PBX4: variants seen among roughly 807,000 people sequenced by gnomAD.
PBX4 encodes PBX homeobox 4, also known as pre-B-cell leukemia transcription factor 4.
In PBX4, 26 loss-of-function variants were observed where a neutral mutation model predicts 35.1. The observed-to-expected ratio is 0.74, with a 90% CI of 0.54 to 1.03. The LOEUF (loss-of-function observed/expected upper bound fraction) is 1.03, where lower values mean the gene tolerates loss of function less well. PBX4 is among the 50% of genes least tolerant of loss of function. The pLI, the probability that PBX4 is intolerant of heterozygous loss-of-function variation, is 0.00. For missense variants in PBX4, 448 were observed against 504.3 expected (o/e 0.89, Z 1.07); for synonymous variants, 199 against 204.2 (o/e 0.97, Z 0.22).
Position 19,563,448 on chromosome 19 carries a change from A to G in PBX4, c.1032+61T>C. On this transcript the variant is annotated intron_variant, in intron 7 of 7. Transcript: ENST00000251203. This position sits in a 1 kb window ranked among gnomAD's most constrained non-coding sequence, Gnocchi z 5.1. ...CCAAGGCCGAGGGGTGGCTGACAAG[A>G]CGACCCTTTCTGAGAACCTACCACC... 4 of 1,353,100 alleles carry G rather than the reference A, an allele frequency of 3.0e-6. No individual in the cohort carries two copies. The highest frequency in any genetic ancestry group is 1.4e-5 in the South Asian group (1 of 71,236). 83.8% of individuals were successfully genotyped at this position (1,353,100 alleles called of 1,614,324 possible).
At chr19:19,607,998 C>T (rs983870346) in intron 1 of PBX4, 2 of 152,172 alleles carry the variant, frequency 1.3e-5, no homozygotes, top group Admixed American at 1.3e-4. Context: ...TATTATACAT[C>T]TCCTGGAGAC....
chr19:19,607,243 G>C (rs1330240266), intron 1 of PBX4, among the ~76,000 whole-genome samples: 1 of 151,964 alleles, frequency 6.6e-6, no homozygotes. Context: ...TAGTAAAGGC[G>C]GGGTTTCATC....
At chr19:19,594,516 G>A (rs1036665424) in intron 2 of PBX4, among the ~76,000 whole-genome samples, 17 of 152,090 alleles carry the variant, frequency 1.1e-4, no homozygotes, top group Admixed American at 9.8e-4. Context: ...GGCAACAGTT[G>A]GTATCAACTC....
At chr19:19,614,566 C>T (rs935418545) in intron 1 of PBX4, among the ~76,000 whole-genome samples, 2 of 151,426 alleles carry the variant, frequency 1.3e-5, no homozygotes, top group South Asian at 2.1e-4. Context: ...ACCCGGGAGG[C>T]GGAGGTTGCT....
Position 19,570,119 on chromosome 19 carries a change from G to A in PBX4, c.622C>T (p.Leu208Phe). The change falls in exon 4 of 8, where the codon CTC (leucine) becomes TTC (phenylalanine). Residue 208 changes from leucine to phenylalanine, a missense_variant. Leu to Phe is a conservative substitution (Grantham distance 22). Coordinates refer to ENST00000251203, the MANE Select transcript of PBX4 (RefSeq NM_025245.3). ...EAVMTLRSRL[L>F]DARRKRRNFS... Reference sequence around the variant, plus strand: ...CGTACAGGCCCTGACCTGGCATCGAGCAGCCGCGAACGCAGGGTCATCACT... The same window carrying A: ...CGTACAGGCCCTGACCTGGCATCGAACAGCCGCGAACGCAGGGTCATCACT... 1 of 1,603,506 alleles carries A rather than the reference G, an allele frequency of 6.2e-7. No individual in the cohort carries two copies. Among genetic ancestry groups the A allele is most frequent in the Admixed American group, 1.7e-5 (1 of 59,250 alleles).
intron 2 of PBX4, chr19:19,588,210 A>C: frequency 7.4e-7 from 1 of 1,356,320 alleles, no homozygotes; most frequent in Non-Finnish European, 1.1e-6. Context: ...TTACAATAAT[A>C]GGCATCAGAG....
chr19:19,618,450 T>C, intron 1 of PBX4, 61 bp downstream of exon 1: 1 of 1,341,754 alleles, frequency 7.5e-7, no homozygotes, highest in Admixed American at 3.5e-5. Context: ...CCCCGTCCCC[T>C]CAGCCCGCCA....
intron 2 of PBX4, among the ~76,000 whole-genome samples, chr19:19,574,640 T>C (rs982234853): frequency 7.1e-6 from 1 of 141,638 alleles, no homozygotes; most frequent in African/African-American, 2.6e-5. Context: ...TTTTTTTTCC[T>C]TTTTTTTTTT....
intron 2 of PBX4, among the ~76,000 whole-genome samples, chr19:19,594,069 ACT>A (rs1276362508): frequency 6.7e-5 from 10 of 148,522 alleles, no homozygotes; most frequent in Non-Finnish European, 1.0e-4. Flanking sequence ...ACACAGTGAG[ACT>A]CTGTGTCTTA....
rs576642441 is a variant in PBX4, at chr19:19,564,917, G to C, written c.925+16C>G. ...ACATGGGTACAGATGACTGTCCCTGGGCCAGCCTCACTCACCGGAGCTAGG... is the reference window on the plus strand; with the variant it reads ...ACATGGGTACAGATGACTGTCCCTGCGCCAGCCTCACTCACCGGAGCTAGG... On this transcript the variant is annotated intron_variant, in intron 6 of 7. Coordinates refer to ENST00000251203, the MANE Select transcript of PBX4 (RefSeq NM_025245.3). The C allele has an allele frequency of 6.2e-7, 1 of 1,614,120 alleles. No homozygotes were observed. The highest frequency in any genetic ancestry group is 8.5e-7 in the Non-Finnish European group (1 of 1,180,012).
chr19:19,603,646 G>T (rs571008217), intron 1 of PBX4, among the ~76,000 whole-genome samples: 1 of 152,276 alleles, frequency 6.6e-6, no homozygotes, highest in Admixed American at 6.5e-5. Context: ...TCTAGAGAGA[G>T]AATTTGATGA....
In PBX4 at chr19:19,594,807, T is replaced by C. The variant is rs765648847; in HGVS notation, c.193+4485A>G. 3.9e-4 allele frequency among the ~76,000 whole-genome samples: 60 copies of C among 152,234 alleles called. 1 individual carries two copies. The highest frequency in any genetic ancestry group is 8.1e-4 in the Non-Finnish European group (55 of 68,000). On this transcript the variant is annotated intron_variant, in intron 2 of 7. Coordinates refer to ENST00000251203, the MANE Select transcript of PBX4 (RefSeq NM_025245.3). Reference sequence around the variant, plus strand: ...CGCAATGTCATCTCACTGCAACCTCTGCCTCCTGGGTTCAAGTGATACTCC... The same window carrying C: ...CGCAATGTCATCTCACTGCAACCTCCGCCTCCTGGGTTCAAGTGATACTCC...
chr19:19,591,531 T>C (rs2061528263), intron 2 of PBX4, among the ~76,000 whole-genome samples: 1 of 152,252 alleles, frequency 6.6e-6, no homozygotes, highest in African/African-American at 2.4e-5. Flanking sequence ...ACAACAGCCC[T>C]GGCTGAGAAA....
At chr19:19,604,058 T>C (rs146992158) in intron 1 of PBX4, among the ~76,000 whole-genome samples, 2 of 152,138 alleles carry the variant, frequency 1.3e-5, no homozygotes, top group Non-Finnish European at 2.9e-5. Context: ...ATTATGATGA[T>C]TTTAAATCCT....
chr19:19,604,895 C>T lies in PBX4; in HGVS notation c.120-5530G>A, dbSNP rs533834722. ...GATCACAGGTGTGAGCCACCATGCC[C>T]GGCCATGTTAGTCTTTCTTATAAGG... On this transcript the variant is annotated intron_variant, in intron 1 of 7. Transcript: ENST00000251203. Among the ~76,000 whole-genome samples the T allele has an allele frequency of 1.1e-4, 17 of 151,984 alleles. No individual in the cohort carries two copies. In the East Asian group the frequency reaches 1.2e-3, roughly 10 times the overall value.
At chr19:19,578,984 C>T (rs1017834299) in intron 2 of PBX4, among the ~76,000 whole-genome samples, 1 of 152,132 alleles carries the variant, frequency 6.6e-6, no homozygotes, top group African/African-American at 2.4e-5. Flanking sequence ...TCATAATGAA[C>T]TACCTGGCCA....
intron 1 of PBX4, among the ~76,000 whole-genome samples, chr19:19,604,679 C>A (rs1057379093): frequency 2.6e-5 from 4 of 151,884 alleles, no homozygotes; most frequent in Admixed American, 2.6e-4. Context: ...TGGCTTACTG[C>A]AACCTCCACC....
In PBX4 at chr19:19,570,571, A is replaced by T. The variant is rs1446017133; in HGVS notation, c.441+15T>A. On this transcript the variant is annotated intron_variant, in intron 3 of 7. Coordinates refer to ENST00000251203, the MANE Select transcript of PBX4 (RefSeq NM_025245.3). ...GCATTCACATGACAGAAACTCTTCC[A>T]TGCAGAAAGATCACCTGTTCATATT... is the stretch of plus-strand genomic sequence containing the variant. 5 of 1,610,290 alleles carry T rather than the reference A, an allele frequency of 3.1e-6. No homozygotes were observed. The highest frequency in any genetic ancestry group is 4.2e-6 in the Non-Finnish European group (5 of 1,176,814).
In PBX4 at chr19:19,582,801, A is replaced by G. The variant is rs34981178; in HGVS notation, c.194-11968T>C. ...TGCCCACTGGGGCTTTGGGAGCTAT[A>G]AACACAACCCTAAGACGCTGCGCTG... On this transcript the variant is annotated intron_variant, in intron 2 of 7. Transcript: ENST00000251203. 1.0e-3 allele frequency among the ~76,000 whole-genome samples: 159 copies of G among 152,320 alleles called. 1 individual carries two copies. Among genetic ancestry groups the G allele is most frequent in the Non-Finnish European group, 1.9e-3 (131 of 68,032 alleles).
Sources: gnomAD v4.1 joint callset for allele counts (sites outside exome capture counted in the v4.1 genomes callset) on GRCh38, gnomAD v4.1.1 for gene constraint, Gnocchi (gnomAD v3.1) non-coding constraint, MANE v1.5 for transcripts, NCBI Gene and HGNC (gene_info 2026-07-23, HGNC 2026-07-21) for gene names.